Variants in KIAA0319L observed in about 807,000 individuals in gnomAD.
KIAA0319L encodes KIAA0319 like.
Under a neutral mutation model 120.1 loss-of-function variants are expected in KIAA0319L, and 55 were observed. The ratio of observed to expected loss-of-function variants is 0.46; its 90% CI spans 0.37 to 0.57. KIAA0319L has a LOEUF of 0.57. KIAA0319L is among the 20% of genes least tolerant of loss of function. The pLI is 0.00. For missense variants in KIAA0319L, 1,049 were observed against 1,255.3 expected (o/e 0.84, Z 2.48); for synonymous variants, 398 against 471.9 (o/e 0.84, Z 2.03).
chr1:35,444,771 A>T (rs1334381586), intron 16 of KIAA0319L, among the ~76,000 whole-genome samples: 1 of 152,254 alleles, frequency 6.6e-6, no homozygotes, highest in African/African-American at 2.4e-5. Flanking sequence ...AAGACAAACC[A>T]CAATGCTTTG....
At chr1:35,490,764 T>C (rs147099230) in intron 3 of KIAA0319L, among the ~76,000 whole-genome samples, 4 of 152,342 alleles carry the variant, frequency 2.6e-5, no homozygotes, top group African/African-American at 9.6e-5. Flanking sequence ...TCATGTTGAA[T>C]TGTAATTTCC....
chr1:35,477,033 C>A (rs1424870870), intron 4 of KIAA0319L, among the ~76,000 whole-genome samples: 1 of 152,072 alleles, frequency 6.6e-6, no homozygotes, highest in Non-Finnish European at 1.5e-5. Context: ...AAAAAAAATT[C>A]TTGAGTAATA....
At chr1:35,557,471 C>A (rs1260978609), upstream of KIAA0319L, 1 of 354,240 alleles carries the variant, frequency 2.8e-6, no homozygotes, top group East Asian at 7.9e-5. Context: ...AGCCCTCCCG[C>A]CCCTCCCCCG....
chr1:35,508,360 C>T (rs1229933736), intron 2 of KIAA0319L, among the ~76,000 whole-genome samples: 2 of 152,168 alleles, frequency 1.3e-5, no homozygotes, highest in Non-Finnish European at 1.5e-5. Context: ...TCTGCATGTA[C>T]ACACAACTGA....
chr1:35,443,105 G>A lies in KIAA0319L; in HGVS notation c.2657-77C>T, dbSNP rs1641346488. 3 of 1,542,404 alleles carry A rather than the reference G, an allele frequency of 1.9e-6. No individual in the cohort carries two copies. In the African/African-American group the frequency reaches 4.1e-5, roughly 21 times the overall value. On this transcript the variant is annotated intron_variant, in intron 17 of 20. Transcript: ENST00000325722. ...CAAGCAGCACCTAGAGCCCATGAGG[G>A]CACCAAAGCACCCCAGATTAATGCT...
At chr1:35,469,814 G>T (rs558090205) in intron 6 of KIAA0319L, among the ~76,000 whole-genome samples, 1 of 152,036 alleles carries the variant, frequency 6.6e-6, no homozygotes, top group South Asian at 2.1e-4. Context: ...CACATGACCA[G>T]TGTACAATGA....
intron 2 of KIAA0319L, among the ~76,000 whole-genome samples, chr1:35,532,059 G>T (rs185065387): frequency 6.6e-6 from 1 of 151,972 alleles, no homozygotes; most frequent in Non-Finnish European, 1.5e-5. Flanking sequence ...TCAGGAGTTC[G>T]AGACCAGCCT....
chr1:35,495,859 T>A, intron 3 of KIAA0319L, among the ~76,000 whole-genome samples: 1 of 91,072 alleles, frequency 1.1e-5, no homozygotes, highest in Non-Finnish European at 1.9e-5. Context: ...ATATTAACAC[T>A]CTACAAAAAA....
At chr1:35,526,747 G>T (rs1399833074) in intron 2 of KIAA0319L, among the ~76,000 whole-genome samples, 1 of 152,026 alleles carries the variant, frequency 6.6e-6, no homozygotes, top group Non-Finnish European at 1.5e-5. Flanking sequence ...AATTGCTTTG[G>T]TTATTGGAGT....
intron 2 of KIAA0319L, among the ~76,000 whole-genome samples, chr1:35,537,462 T>C (rs1646625318): frequency 6.6e-6 from 1 of 150,602 alleles, no homozygotes; most frequent in Non-Finnish European, 1.5e-5. Context: ...CAGAAATATG[T>C]AAATTAAACA....
intron 2 of KIAA0319L, among the ~76,000 whole-genome samples, chr1:35,537,040 C>G (rs1646600941): frequency 6.6e-6 from 1 of 152,158 alleles, no homozygotes; most frequent in African/African-American, 2.4e-5. Context: ...GAGCCCACAC[C>G]TCTCTATGTA....
chr1:35,470,775 A>C (rs1172085009), intron 6 of KIAA0319L, 88 bp downstream of exon 6: 5 of 831,518 alleles, frequency 6.0e-6, no homozygotes, highest in Non-Finnish European at 1.1e-5. Flanking sequence ...TTACAACTTA[A>C]GTGTAGACAG....
intron 3 of KIAA0319L, among the ~76,000 whole-genome samples, chr1:35,500,937 C>A (rs1250227261): frequency 6.6e-6 from 1 of 151,944 alleles, no homozygotes; most frequent in Non-Finnish European, 1.5e-5. Context: ...TTCACTTTGC[C>A]CCATTTTTTT....
At chr1:35,446,494 T>C (rs1161054531) in intron 16 of KIAA0319L, among the ~76,000 whole-genome samples, 1 of 152,228 alleles carries the variant, frequency 6.6e-6, no homozygotes. Context: ...CCATGAAATC[T>C]GTCCTCTGCC....
chr1:35,553,643 G>C (rs949194893), intron 2 of KIAA0319L, among the ~76,000 whole-genome samples: 4 of 152,186 alleles, frequency 2.6e-5, no homozygotes, highest in African/African-American at 9.7e-5. Flanking sequence ...AGCATACACA[G>C]AAATCTTTCT....
intron 3 of KIAA0319L, among the ~76,000 whole-genome samples, chr1:35,494,019 T>C (rs1217433551): frequency 6.6e-6 from 1 of 152,148 alleles, no homozygotes; most frequent in African/African-American, 2.4e-5. Flanking sequence ...ACACTCCCAA[T>C]ACAATCCCAC....
chr1:35,438,514 T>G (rs1006419188), intron 20 of KIAA0319L: 2 of 145,762 alleles, frequency 1.4e-5, no homozygotes, highest in African/African-American at 5.1e-5. Context: ...GCCACAGTTA[T>G]CTTTTTTTTT....
chr1:35,478,935 TC>T, intron 4 of KIAA0319L, 30 bp downstream of exon 4: 1 of 1,605,884 alleles, frequency 6.2e-7, no homozygotes, highest in Non-Finnish European at 8.5e-7. Flanking sequence ...TTCTACTTTT[TC>T]CTTCTATCTC....
intron 3 of KIAA0319L, among the ~76,000 whole-genome samples, chr1:35,500,103 A>G (rs1174226307): frequency 1.3e-5 from 2 of 152,224 alleles, no homozygotes; most frequent in Non-Finnish European, 2.9e-5. Context: ...GGAAACAGGG[A>G]GACGATGCTG....
Sources: gnomAD v4.1 joint callset for allele counts (sites outside exome capture counted in the v4.1 genomes callset) on GRCh38, gnomAD v4.1.1 for gene constraint, MANE v1.5 for transcripts, NCBI Gene and HGNC (gene_info 2026-07-23, HGNC 2026-07-21) for gene names.